CCDC171: variants seen among roughly 807,000 people sequenced by gnomAD.
CCDC171 encodes coiled-coil domain containing 171, also known as coiled-coil domain-containing protein 171.
CCDC171 carries 177 observed loss-of-function variants against 168.2 expected under a neutral mutation model. That is an observed-to-expected ratio of 1.05 (90% CI 0.93 to 1.19). CCDC171 has a LOEUF of 1.19. Ranked by LOEUF, CCDC171 falls within the 50% of genes most tolerant of loss-of-function variation. CCDC171 has a pLI of 0.00. For synonymous variants in CCDC171, 687 were observed against 540.8 expected (o/e 1.27, Z -3.75); for missense variants, 1,991 against 1,539.0 (o/e 1.29, Z -4.91).
At chr9:15,725,348 A>T (rs2053730665) in intron 14 of CCDC171, among the ~76,000 whole-genome samples, 2 of 152,332 alleles carry the variant, frequency 1.3e-5, no homozygotes, top group Admixed American at 6.5e-5. Context: ...AATATTTTAT[A>T]ATCAGATAGA....
chr9:15,624,572 C>T (rs964416236), intron 7 of CCDC171, among the ~76,000 whole-genome samples: 1 of 152,062 alleles, frequency 6.6e-6, no homozygotes, highest in Non-Finnish European at 1.5e-5. Flanking sequence ...GTTTGGTTTT[C>T]TGTCCTTGCA....
At chr9:15,554,866 G>T (rs936864295) in intron 1 of CCDC171, among the ~76,000 whole-genome samples, 1 of 152,152 alleles carries the variant, frequency 6.6e-6, no homozygotes, top group African/African-American at 2.4e-5. Flanking sequence ...TGTGAAATGT[G>T]CATAATCTCA....
intron 18 of CCDC171, among the ~76,000 whole-genome samples, chr9:15,775,454 G>A (rs1450384617): frequency 6.6e-6 from 1 of 152,132 alleles, no homozygotes; most frequent in African/African-American, 2.4e-5. Context: ...GAGTAGCTGG[G>A]ATTACAGGCA....
In CCDC171 at chr9:15,654,201, T is replaced by TAA. The variant is rs570414785; in HGVS notation, c.823-2915_823-2914dup. Among the ~76,000 whole-genome samples the TAA allele has an allele frequency of 3.5e-3, 505 of 143,782 alleles. 3 individuals are homozygous for TAA. Among genetic ancestry groups the TAA allele is most frequent in the African/African-American group, 0.013 (493 of 39,344 alleles). 94.3% of individuals were successfully genotyped at this position (143,782 alleles called of 152,430 possible). On this transcript the variant is annotated intron_variant, in intron 7 of 25. Transcript: ENST00000380701. ...TCATATTTGGATTTATTGCTTTCTG[T>TAA]AAAAAAAAAAAACCAAAACTATTTT...
intron 3 of CCDC171, among the ~76,000 whole-genome samples, chr9:15,573,515 C>A (rs1370363278): frequency 6.6e-6 from 1 of 152,114 alleles, no homozygotes; most frequent in African/African-American, 2.4e-5. Context: ...CTCCTCACCT[C>A]AGGTGATCTG....
At chr9:15,962,937 A>G (rs1371116112) in intron 25 of CCDC171, among the ~76,000 whole-genome samples, 1 of 151,798 alleles carries the variant, frequency 6.6e-6, no homozygotes, top group Non-Finnish European at 1.5e-5. Flanking sequence ...ACATGTATAC[A>G]TTTTGAACAT....
chr9:15,665,675 A>G (rs2048684656), intron 8 of CCDC171, among the ~76,000 whole-genome samples: 1 of 152,068 alleles, frequency 6.6e-6, no homozygotes, highest in Admixed American at 6.6e-5. Flanking sequence ...CAGCTACTTG[A>G]GAAGCTGAGG....
Position 15,779,114 on chromosome 9 carries a change from G to T in CCDC171, c.3045G>T (p.Gln1015His). 2 of 1,590,432 alleles carry T rather than the reference G, an allele frequency of 1.3e-6. No individual in the cohort carries two copies. The highest frequency in any genetic ancestry group is 1.7e-6 in the Non-Finnish European group (2 of 1,171,070). ...NEMKKELDKAQGLQMQLNEFK... is the reference protein window; with the variant it reads ...NEMKKELDKAHGLQMQLNEFK... ...TGAAAAAGGAGCTTGACAAAGCCCA[G>T]GGTCTGCAAATGCAATTAAATGAAT... Residue 1015 changes from glutamine (Q) to histidine (H), a missense_variant, in exon 20 of 26, where the codon CAG becomes CAT. By Grantham distance (24) the Gln-to-His change is conservative. Coordinates refer to ENST00000380701, the MANE Select transcript of CCDC171 (RefSeq NM_173550.4).
chr9:15,888,206 A>G lies in CCDC171; in HGVS notation c.3600+13543A>G, dbSNP rs868539155. ...GGTAACACATTTTTAAAGGAGTACT[A>G]CTTAACTTTTAAAACTTGATGTGAT... is the stretch of plus-strand genomic sequence containing the variant. On this transcript the variant is annotated intron_variant, in intron 24 of 25. Coordinates refer to ENST00000380701, the MANE Select transcript of CCDC171 (RefSeq NM_173550.4). 6.6e-5 allele frequency: 10 copies of G among 152,352 alleles called. 1 individual carries two copies. In the Middle Eastern group the frequency reaches 0.014, roughly 207 times the overall value. The allele number at this position is 152,352 out of a possible 1,614,324, so 9.4% of individuals were successfully genotyped here.
intron 2 of CCDC171, among the ~76,000 whole-genome samples, chr9:15,569,031 A>T (rs1236869746): frequency 6.6e-6 from 1 of 152,132 alleles, no homozygotes; most frequent in Admixed American, 6.6e-5. Context: ...ATAGTCAAAC[A>T]TATTTGTTAG....
intron 3 of CCDC171, among the ~76,000 whole-genome samples, chr9:16,016,096 C>G (rs969621699): frequency 3.3e-5 from 5 of 152,094 alleles, no homozygotes; most frequent in Non-Finnish European, 7.4e-5. Flanking sequence ...ACATCTGTGT[C>G]CCTGCTTTCA....
rs939304950 is a variant in CCDC171 at position 15,583,342 on chromosome 9, G to C, written c.352+4319G>C. Among the ~76,000 whole-genome samples the C allele has an allele frequency of 2.0e-5, 3 of 150,018 alleles. No homozygotes were observed. In the Admixed American group the frequency reaches 2.0e-4, roughly 10 times the overall value. On this transcript the variant is annotated intron_variant, in intron 4 of 25. Coordinates refer to ENST00000380701, the MANE Select transcript of CCDC171 (RefSeq NM_173550.4). Reference sequence around the variant, plus strand: ...AGGCAGAATAGCTTGAACCTGGGAGGCAGAGGTTGCAGTGAGCCAAGATCG... The same window carrying C: ...AGGCAGAATAGCTTGAACCTGGGAGCCAGAGGTTGCAGTGAGCCAAGATCG...
intron 6 of CCDC171, among the ~76,000 whole-genome samples, chr9:15,610,648 C>T (rs1169791715): frequency 2.0e-5 from 3 of 150,928 alleles, no homozygotes; most frequent in Admixed American, 2.0e-4. Flanking sequence ...ACAAAAACCT[C>T]CTGGTCCCAA....
At chr9:15,846,257 A>G (rs963291220) in intron 21 of CCDC171, among the ~76,000 whole-genome samples, 5 of 152,106 alleles carry the variant, frequency 3.3e-5, no homozygotes, top group Admixed American at 3.3e-4. Context: ...ATTTTCTTAT[A>G]GATATCCTGG....
At chr9:16,094,651 T>C in the CCDC171 span, among the ~76,000 whole-genome samples, 1 of 152,228 alleles carries the variant, frequency 6.6e-6, no homozygotes, top group African/African-American at 2.4e-5. Context: ...AGTGGGACTA[T>C]GTTAACATTC....
chr9:15,558,042 A>G (rs572428444), intron 1 of CCDC171, among the ~76,000 whole-genome samples: 2 of 152,252 alleles, frequency 1.3e-5, no homozygotes, highest in South Asian at 2.1e-4. Context: ...GATTACGTTT[A>G]TTGATTTGCG....
Position 15,591,458 on chromosome 9 carries a change from G to C in CCDC171, c.445G>C (p.Glu149Gln). ...ATGGAAAGAAGAATGCAGAAGATTT[G>C]AACATGATTTGGAGGAAAGAGACAA... ...QKWKEECRRF[E>Q]HDLEERDNMI... is the part of the protein sequence containing the mutation. Residue 149 changes from glutamate (E) to glutamine (Q), a missense_variant, in exon 5 of 26, where the codon GAA becomes CAA. Physicochemically the swap from Glu to Gln is conservative, Grantham distance 29. Transcript: ENST00000380701. 6.2e-7 allele frequency: 1 copy of C among 1,607,936 alleles called. No homozygotes were observed. Among genetic ancestry groups the C allele is most frequent in the African/African-American group, 1.3e-5 (1 of 74,740 alleles).
At chr9:15,685,337 T>C (rs2050314556) in intron 10 of CCDC171, among the ~76,000 whole-genome samples, 1 of 152,150 alleles carries the variant, frequency 6.6e-6, no homozygotes. Context: ...AATTTGAATA[T>C]AAGCATAGAC....
chr9:15,978,830 A>C (rs115620676), downstream of CCDC171, among the ~76,000 whole-genome samples: 804 of 152,282 alleles, frequency 5.3e-3, 5 homozygotes, highest in African/African-American at 0.019. Flanking sequence ...AATTTTCACC[A>C]TCTAATTCCA....
Sources: gnomAD v4.1 joint callset for allele counts (sites outside exome capture counted in the v4.1 genomes callset) on GRCh38, gnomAD v4.1.1 for gene constraint, MANE v1.5 for transcripts, NCBI Gene and HGNC (gene_info 2026-07-23, HGNC 2026-07-21) for gene names.